The following SBF2 variants were observed in gnomAD, a reference collection of about 807,000 sequenced individuals.
The protein encoded by SBF2 is myotubularin-related protein 13.
A neutral mutation model predicts 225.2 loss-of-function variants in SBF2; 112 were observed. That is an observed-to-expected ratio of 0.50 (90% confidence interval 0.43 to 0.58). The LOEUF is 0.58. SBF2 is among the 20% of genes least tolerant of loss of function. The pLI, the probability that SBF2 is intolerant of heterozygous loss-of-function variation, is 0.00. For synonymous variants in SBF2, 763 were observed against 773.3 expected (o/e 0.99, Z 0.22); for missense variants, 1,996 against 2,206.2 (o/e 0.90, Z 1.91).
intron 2 of SBF2, among the ~76,000 whole-genome samples, chr11:10,170,026 T>C (rs1772662970): frequency 6.6e-6 from 1 of 152,152 alleles, no homozygotes; most frequent in African/African-American, 2.4e-5. Context: ...TTTAATCAGA[T>C]TATTAGATTT....
At chr11:9,858,193 C>T (rs1378739846) in intron 18 of SBF2, 33 bp downstream of exon 18, 1 of 1,612,162 alleles carries the variant, frequency 6.2e-7, no homozygotes. Context: ...AATCCTAATC[C>T]CACACAATTA....
At chr11:10,223,430 T>TATATAC (rs1447167803) in intron 1 of SBF2, among the ~76,000 whole-genome samples, 1 of 137,798 alleles carries the variant, frequency 7.3e-6, no homozygotes, top group African/African-American at 2.6e-5. Context: ...TATATATATA[T>TATATAC]ATATATATAT....
At chr11:10,149,173 T>C (rs1955040213) in intron 2 of SBF2, 1 of 152,460 alleles carries the variant, frequency 6.6e-6, no homozygotes, top group Non-Finnish European at 1.5e-5. Context: ...CTTTTCCCAA[T>C]GTCTCATCTC....
intron 15 of SBF2, 56 bp from the exon 16 acceptor site, chr11:9,962,162 T>C: frequency 2.0e-6 from 3 of 1,510,652 alleles, no homozygotes; most frequent in Non-Finnish European, 2.8e-6. Flanking sequence ...AAACAACAAC[T>C]TTCAAACAAT....
At position 9,795,861 on chromosome 11, in the gene SBF2, G is replaced by T; in HGVS notation, c.4540C>A (p.Leu1514Met). The T allele has an allele frequency of 1.2e-6, 2 of 1,613,822 alleles. No individual in the cohort carries two copies. The highest frequency in any genetic ancestry group is 1.7e-6 in the Non-Finnish European group (2 of 1,179,890). Residue 1514 changes from leucine (L) to methionine (M), a missense_variant, in exon 33 of 40, where the codon CTG becomes ATG. Leu to Met is a conservative substitution (Grantham distance 15). Coordinates refer to ENST00000256190, the MANE Select transcript of SBF2 (RefSeq NM_030962.4). ...YVSNRFKTFL[L>M]DSDYERLEHG... Reference sequence around the variant, plus strand: ...TCTAATCTTTCATAGTCTGAATCCAGGAGAAATGTTTTAAAGCGATTAGAC... The same window carrying T: ...TCTAATCTTTCATAGTCTGAATCCATGAGAAATGTTTTAAAGCGATTAGAC...
intron 2 of SBF2, among the ~76,000 whole-genome samples, chr11:10,128,564 A>G (rs542934665): frequency 6.6e-6 from 1 of 152,336 alleles, no homozygotes; most frequent in South Asian, 2.1e-4. Context: ...TCTAATCCCA[A>G]GAACATATGC....
chr11:9,823,564 C>T (rs951487681), intron 28 of SBF2, among the ~76,000 whole-genome samples: 1 of 151,188 alleles, frequency 6.6e-6, no homozygotes, highest in Non-Finnish European at 1.5e-5. Context: ...ACAGTGGTAT[C>T]TAACTCTGGA....
chr11:10,178,328 C>A (rs1172238443), intron 2 of SBF2, among the ~76,000 whole-genome samples: 1 of 149,668 alleles, frequency 6.7e-6, no homozygotes, highest in East Asian at 2.0e-4. Flanking sequence ...GCAACAAAAG[C>A]CAAAATTGAC....
chr11:9,858,683 C>T (rs1480036746), intron 17 of SBF2, among the ~76,000 whole-genome samples: 2 of 152,054 alleles, frequency 1.3e-5, no homozygotes, highest in Non-Finnish European at 2.9e-5. Context: ...GAAAAGGAGG[C>T]ACTGTAGGTT....
Position 10,051,890 on chromosome 11 carries a change from A to G in SBF2, c.142-8909T>C, listed in dbSNP as rs569305513. Among the ~76,000 whole-genome samples the G allele has an allele frequency of 2.6e-5, 4 of 152,286 alleles. No homozygotes were observed. The East Asian group carries it at 7.7e-4, about 29-fold the overall frequency. On this transcript the variant is annotated intron_variant, in intron 2 of 39. Transcript: ENST00000256190. The stretch of plus-strand genomic sequence containing the variant: ...CACAATTTAATGAGAAGTACTCCTC[A>G]TAGAATTTGGATTTCAAATATAACA...
At chr11:10,292,013 T>C (rs1964189581) in intron 1 of SBF2, among the ~76,000 whole-genome samples, 1 of 152,196 alleles carries the variant, frequency 6.6e-6, no homozygotes, top group Admixed American at 6.5e-5. Flanking sequence ...TGACCTGTAA[T>C]TGTTAAATAT....
intron 17 of SBF2, among the ~76,000 whole-genome samples, chr11:9,887,318 C>T (rs1250856817): frequency 2.0e-5 from 3 of 152,008 alleles, no homozygotes; most frequent in African/African-American, 7.2e-5. Flanking sequence ...GAGTAAATTG[C>T]CCCAGTTTCC....
Position 9,812,642 on chromosome 11 carries a change from C to A in SBF2, c.4045G>T (p.Val1349Leu). Residue 1349 changes from valine (V) to leucine (L), a missense_variant, in exon 30 of 40, where the codon GTG becomes TTG. Coordinates refer to ENST00000256190, the MANE Select transcript of SBF2 (RefSeq NM_030962.4). ...ATCAGCTTCTTAAAACTGGCTTTCACTTGCCGGATTTCATGAAATTCAACA... is the reference window on the plus strand; with the variant it reads ...ATCAGCTTCTTAAAACTGGCTTTCAATTGCCGGATTTCATGAAATTCAACA... ...VPVEFHEIRQ[V>L]KASFKKLMRA... 6.2e-7 allele frequency: 1 copy of A among 1,614,206 alleles called. No homozygotes were observed.
intron 6 of SBF2, among the ~76,000 whole-genome samples, chr11:10,011,696 C>G (rs186316682): frequency 6.6e-6 from 1 of 152,130 alleles, no homozygotes; most frequent in Non-Finnish European, 1.5e-5. Flanking sequence ...TTCTGGCTCC[C>G]GTTCTTTCTG....
At chr11:9,904,928 G>T (rs1001126631) in intron 16 of SBF2, among the ~76,000 whole-genome samples, 1 of 152,212 alleles carries the variant, frequency 6.6e-6, no homozygotes, top group African/African-American at 2.4e-5. Context: ...AAGCAGAGAT[G>T]GGAGAATCAC....
chr11:10,028,935 G>T lies in SBF2; in HGVS notation c.514-378C>A, dbSNP rs554227457. On this transcript the variant is annotated intron_variant, in intron 5 of 39. Coordinates refer to ENST00000256190, the MANE Select transcript of SBF2 (RefSeq NM_030962.4). Reference sequence around the variant, plus strand: ...GCCCTTTGAGCAGAGGTAGAAGAATGAAGGAGGAGAGAGCAAGAGAGACAG... The same window carrying T: ...GCCCTTTGAGCAGAGGTAGAAGAATTAAGGAGGAGAGAGCAAGAGAGACAG... 2.0e-5 allele frequency among the ~76,000 whole-genome samples: 3 copies of T among 152,290 alleles called. No homozygotes were observed. In the South Asian group the frequency reaches 6.2e-4, roughly 32 times the overall value.
chr11:9,780,367 A>G lies in SBF2; in HGVS notation c.*51T>C, dbSNP rs41275194. On this transcript the variant is annotated 3_prime_UTR_variant, in exon 40 of 40. Transcript: ENST00000256190. ...AGGATCCATGCTTCTTTTTCTATCT[A>G]TCTGGCAGCATGAGTTCTTCTGTTT... 7.5e-3 allele frequency: 11,007 copies of G among 1,476,332 alleles called. 80 individuals carry two copies. Among genetic ancestry groups the G allele is most frequent in the Non-Finnish European group, 8.6e-3 (9,095 of 1,058,090 alleles). 91.5% of individuals were successfully genotyped at this position (1,476,332 alleles called of 1,614,324 possible).
intron 9 of SBF2, 42 bp from the exon 10 acceptor site, chr11:9,994,040 A>T: frequency 8.8e-7 from 1 of 1,136,508 alleles, no homozygotes; most frequent in South Asian, 1.3e-5. Flanking sequence ...TCATAATATC[A>T]ATGAAATCTA....
chr11:9,989,711 A>G, intron 12 of SBF2, 116 bp from the exon 13 acceptor site: 14 of 662,886 alleles, frequency 2.1e-5, no homozygotes, highest in Non-Finnish European at 3.6e-5. Context: ...ATTATTTTTA[A>G]AACAAAATAT....
Sources: allele counts gnomAD v4.1 joint callset (sites outside exome capture counted in the v4.1 genomes callset), GRCh38; gene constraint gnomAD v4.1.1; transcripts MANE v1.5; gene names NCBI Gene and HGNC (gene_info 2026-07-23, HGNC 2026-07-21).